Variants in PLCL2 observed in about 807,000 individuals in gnomAD.
PLCL2 encodes phospholipase C like 2, also known as inactive phospholipase C-like protein 2.
A neutral mutation model predicts 79.6 loss-of-function variants in PLCL2; 4 were observed. That is an observed-to-expected ratio of 0.05 (90% confidence interval 0.02 to 0.11). PLCL2 has a LOEUF of 0.11. PLCL2 is among the 10% of genes least tolerant of loss of function. The probability of loss-of-function intolerance (pLI) is 1.00; values close to 1 mark genes in which losing one functional copy is unlikely to be tolerated. For missense variants in PLCL2, 895 were observed against 1,291.0 expected, an observed-to-expected ratio of 0.69 and a Z score of 4.70; for synonymous variants, 484 against 457.7, an observed-to-expected ratio of 1.06 and a Z score of -0.73.
At chr3:16,976,486 C>T (rs2063927127) in intron 1 of PLCL2, among the ~76,000 whole-genome samples, 3 of 152,120 alleles carry the variant, frequency 2.0e-5, no homozygotes, top group African/African-American at 2.4e-5. Context: ...TGATGAGGTC[C>T]CATCCACATT....
intron 3 of PLCL2, among the ~76,000 whole-genome samples, chr3:17,025,256 C>T (rs1039302270): frequency 6.6e-6 from 1 of 152,140 alleles, no homozygotes; most frequent in Non-Finnish European, 1.5e-5. Context: ...AATGCAAGAT[C>T]CATTCTTCAG....
In PLCL2 at chr3:16,954,474, C is replaced by A. The variant is rs575460782; in HGVS notation, c.328-55200C>A. 1.4e-4 allele frequency among the ~76,000 whole-genome samples: 22 copies of A among 152,232 alleles called. 2 individuals are homozygous for A. The South Asian group carries it at 4.4e-3, about 30-fold the overall frequency. ...CAAGTCTTTGCTATTGTGAATAGTG[C>A]CGCAATAAACATACGTGTGCATGTG... On this transcript the variant is annotated intron_variant, in intron 1 of 5. Transcript: ENST00000615277.
intron 4 of PLCL2, among the ~76,000 whole-genome samples, chr3:17,065,244 A>G (rs1377470062): frequency 2.0e-5 from 3 of 152,070 alleles, no homozygotes; most frequent in Non-Finnish European, 4.4e-5. Context: ...AGCTTTTTAG[A>G]TAGCAGCCAT....
At chr3:17,015,701 C>A (rs1039145156) in intron 3 of PLCL2, among the ~76,000 whole-genome samples, 17 of 152,192 alleles carry the variant, frequency 1.1e-4, no homozygotes, top group African/African-American at 3.6e-4. Context: ...GTGAGTACCT[C>A]ATCTGCTACC....
chr3:17,055,997 C>T (rs1298400105), intron 4 of PLCL2, among the ~76,000 whole-genome samples: 2 of 152,242 alleles, frequency 1.3e-5, no homozygotes, highest in South Asian at 2.1e-4. Flanking sequence ...CCCGGGGTAC[C>T]TGTTCTGTGA....
chr3:16,933,542 C>G (rs1371233204), intron 1 of PLCL2, among the ~76,000 whole-genome samples: 1 of 152,188 alleles, frequency 6.6e-6, no homozygotes, highest in African/African-American at 2.4e-5. Context: ...AGATATTTGA[C>G]TCATGAATCA....
At chr3:17,081,308 C>G in intron 5 of PLCL2, 2 of 455,102 alleles carry the variant, frequency 4.4e-6, no homozygotes, top group Non-Finnish European at 8.8e-6. Context: ...CTGCTGGCCC[C>G]CAGGGAATGG....
chr3:16,960,004 C>G (rs2063740604), intron 1 of PLCL2, among the ~76,000 whole-genome samples: 1 of 152,096 alleles, frequency 6.6e-6, no homozygotes. Context: ...ACTCAGGAGG[C>G]TGAGGCAGGA....
chr3:17,007,044 A>G (rs1048104050), intron 1 of PLCL2, among the ~76,000 whole-genome samples: 3 of 152,260 alleles, frequency 2.0e-5, no homozygotes, highest in Admixed American at 1.3e-4. Flanking sequence ...CCACATCCAT[A>G]TATTTTTGTA....
intron 1 of PLCL2, among the ~76,000 whole-genome samples, chr3:16,911,299 T>A (rs1696877733): frequency 6.7e-6 from 1 of 150,308 alleles, no homozygotes; most frequent in African/African-American, 2.4e-5. Flanking sequence ...CTGATTTGAA[T>A]ACAGGTCTGT....
At chr3:17,071,637 A>G (rs2065061521) in intron 5 of PLCL2, among the ~76,000 whole-genome samples, 1 of 152,260 alleles carries the variant, frequency 6.6e-6, no homozygotes, top group Admixed American at 6.5e-5. Flanking sequence ...ATTCTAAGTC[A>G]TACTTTTTTT....
intron 3 of PLCL2, among the ~76,000 whole-genome samples, chr3:17,040,537 G>A (rs1457842245): frequency 6.6e-6 from 1 of 152,166 alleles, no homozygotes; most frequent in African/African-American, 2.4e-5. Context: ...ACCAGAAAAT[G>A]CTCTGCCAGG....
intron 1 of PLCL2, among the ~76,000 whole-genome samples, chr3:16,957,929 C>T (rs879189656): frequency 9.9e-5 from 15 of 152,184 alleles, no homozygotes; most frequent in Middle Eastern, 3.4e-3. Flanking sequence ...TGTCTCTGCA[C>T]GTGAGATGGG....
chr3:17,022,564 G>A (rs2064467617), intron 3 of PLCL2, among the ~76,000 whole-genome samples: 1 of 152,200 alleles, frequency 6.6e-6, no homozygotes, highest in Non-Finnish European at 1.5e-5. Flanking sequence ...GTGCTCTGGA[G>A]ATAATATACA....
At position 16,908,094 on chromosome 3, in the gene PLCL2, T is replaced by G. The variant is rs1406040157; in HGVS notation, c.327+22728T>G. ...ACCTCCCTTTCGTGGGTTTTCTGTCTCTCTATTTAAACTTTTTATTATGGG... is the reference window on the plus strand; with the variant it reads ...ACCTCCCTTTCGTGGGTTTTCTGTCGCTCTATTTAAACTTTTTATTATGGG... On this transcript the variant is annotated intron_variant, in intron 1 of 5. Coordinates refer to ENST00000615277, the MANE Select transcript of PLCL2 (RefSeq NM_001144382.2). Among the ~76,000 whole-genome samples, 3 of 152,186 alleles carry G rather than the reference T, an allele frequency of 2.0e-5. No homozygotes were observed. The East Asian group carries it at 5.8e-4, about 29-fold the overall frequency.
At chr3:16,991,991 C>T (rs1230941332) in intron 1 of PLCL2, among the ~76,000 whole-genome samples, 1 of 152,034 alleles carries the variant, frequency 6.6e-6, no homozygotes, top group Admixed American at 6.6e-5. Context: ...GTGCCATGAG[C>T]CACAGACTCA....
chr3:16,921,770 C>G (rs929822249), intron 1 of PLCL2, among the ~76,000 whole-genome samples: 2 of 151,960 alleles, frequency 1.3e-5, no homozygotes, highest in Admixed American at 1.3e-4. Context: ...TCTTTATAAC[C>G]ACCACCTTTC....
chr3:16,936,334 C>T (rs1697538124), intron 1 of PLCL2, among the ~76,000 whole-genome samples: 2 of 152,140 alleles, frequency 1.3e-5, no homozygotes, highest in Non-Finnish European at 2.9e-5. Flanking sequence ...GTGCTTGGCT[C>T]AGGGTGGCTG....
intron 1 of PLCL2, among the ~76,000 whole-genome samples, chr3:16,966,936 G>C (rs893073598): frequency 2.6e-5 from 4 of 151,950 alleles, no homozygotes; most frequent in Non-Finnish European, 5.9e-5. Flanking sequence ...CCTCCACCCT[G>C]AATTAGGCCC....
Sources: allele counts gnomAD v4.1 joint callset (sites outside exome capture counted in the v4.1 genomes callset), GRCh38; gene constraint gnomAD v4.1.1; transcripts MANE v1.5; gene names NCBI Gene and HGNC (gene_info 2026-07-23, HGNC 2026-07-21).